Variants in PAH observed in about 807,000 individuals in gnomAD.
PAH encodes phenylalanine hydroxylase, also known as phenylalanine-4-hydroxylase.
A neutral mutation model predicts 62.0 loss-of-function variants in PAH; 64 were observed. The ratio of observed to expected loss-of-function variants is 1.03; its 90% CI spans 0.84 to 1.27. The LOEUF is 1.27. Ranked by LOEUF, PAH falls within the 50% of genes most tolerant of loss-of-function variation. The pLI is 0.00. For synonymous variants in PAH, 195 were observed against 196.2 expected (o/e 0.99, Z 0.05); for missense variants, 579 against 542.8 (o/e 1.07, Z -0.66).
At chr12:102,912,973 A>G in intron 1 of PAH, 75 bp from the exon 2 acceptor site, 1 of 944,488 alleles carries the variant, frequency 1.1e-6, no homozygotes, top group Non-Finnish European at 1.7e-6. Flanking sequence ...CTCCATGGAC[A>G]AAGCAAGCAT....
chr12:102,940,531 A>T (rs1589517), intron 1 of PAH, among the ~76,000 whole-genome samples: 1 of 152,330 alleles, frequency 6.6e-6, no homozygotes, highest in South Asian at 2.1e-4. Flanking sequence ...ATTTCATAAC[A>T]CAATATTAAC....
chr12:102,875,840 C>T (rs77526280), intron 4 of PAH, among the ~76,000 whole-genome samples: 2,954 of 152,044 alleles, frequency 0.019, 100 homozygotes, highest in African/African-American at 0.067. Flanking sequence ...ACTTCCTACA[C>T]GTTTGCAATT....
chr12:102,922,470 G>A (rs1421749828), intron 1 of PAH, among the ~76,000 whole-genome samples: 3 of 152,130 alleles, frequency 2.0e-5, no homozygotes, highest in Non-Finnish European at 2.9e-5. Flanking sequence ...GGGATTACAG[G>A]CGTGAGTCAC....
intron 1 of PAH, among the ~76,000 whole-genome samples, chr12:102,936,841 A>G (rs577241658): frequency 2.0e-4 from 31 of 151,970 alleles, no homozygotes; most frequent in Non-Finnish European, 3.8e-4. Flanking sequence ...TAGACAGCCT[A>G]TGTCTTTTGA....
intron 2 of PAH, among the ~76,000 whole-genome samples, chr12:102,906,014 C>G (rs1877961720): frequency 6.6e-6 from 1 of 151,634 alleles, no homozygotes; most frequent in South Asian, 2.1e-4. Flanking sequence ...TATAAAATGT[C>G]AAAAAATCGG....
chr12:102,863,731 G>A (rs1219711268), intron 5 of PAH, among the ~76,000 whole-genome samples: 1 of 152,156 alleles, frequency 6.6e-6, no homozygotes, highest in Non-Finnish European at 1.5e-5. Context: ...ATGAGATGCT[G>A]AATCCTGGAC....
At chr12:102,923,916 C>T (rs769968056) in intron 1 of PAH, among the ~76,000 whole-genome samples, 17 of 152,178 alleles carry the variant, frequency 1.1e-4, no homozygotes, top group Non-Finnish European at 2.9e-5. Flanking sequence ...ATGGTGGAGT[C>T]CAGCTTCTTC....
chr12:102,856,700 G>A (rs562463111), intron 5 of PAH, among the ~76,000 whole-genome samples: 207 of 152,300 alleles, frequency 1.4e-3, no homozygotes, highest in Non-Finnish European at 2.6e-3. Flanking sequence ...TGCAGCCTCC[G>A]CTGCTGACAC....
At position 102,912,811 on chromosome 12, in the gene PAH, T is replaced by C. The variant is rs776829633; in HGVS notation, c.148A>G (p.Lys50Glu). ...CTGACCTCAAATAAGCGCAATACTT[T>C]GGCCAATGCACCAACTTCTTCTTTG... ...SLKEEVGALAKVLRLFEENDV... is the reference protein window; with the variant it reads ...SLKEEVGALAEVLRLFEENDV... Residue 50 changes from lysine to glutamate, a missense_variant, in exon 2 of 13, where the codon AAA becomes GAA. By Grantham distance (56) the Lys-to-Glu change is moderately conservative. Coordinates refer to ENST00000553106, the MANE Select transcript of PAH (RefSeq NM_000277.3). The C allele has an allele frequency of 6.2e-7, 1 of 1,612,722 alleles. No individual in the cohort carries two copies. The highest frequency in any genetic ancestry group is 8.5e-7 in the Non-Finnish European group (1 of 1,178,746).
intron 8 of PAH, among the ~76,000 whole-genome samples, chr12:102,849,101 A>G (rs1875030900): frequency 6.6e-6 from 1 of 152,200 alleles, no homozygotes; most frequent in Non-Finnish European, 1.5e-5. Context: ...AGTGGCTGAG[A>G]CCAAGTTGGT....
intron 4 of PAH, among the ~76,000 whole-genome samples, chr12:102,876,546 G>T (rs1476812364): frequency 6.6e-6 from 1 of 152,252 alleles, no homozygotes; most frequent in Admixed American, 6.5e-5. Context: ...TCCTGTGGAA[G>T]TGTAAATGCT....
In PAH at chr12:102,894,609, C is replaced by T. The variant is rs748990078; in HGVS notation, c.352+126G>A. 1.3e-4 allele frequency: 97 copies of T among 775,086 alleles called. 1 individual carries two copies. The highest frequency in any genetic ancestry group is 9.9e-4 in the East Asian group (36 of 36,308). 48.0% of individuals were successfully genotyped at this position (775,086 alleles called of 1,614,324 possible). A position where few individuals can be genotyped will look rare whatever the true frequency, so the allele number is the denominator to read the frequency against. ...AATACATATATATTAATTTTGCTTC[C>T]GCAAAATAACAGCAATATATATTAA... On this transcript the variant is annotated intron_variant, in intron 3 of 12. Coordinates refer to ENST00000553106, the MANE Select transcript of PAH (RefSeq NM_000277.3).
chr12:102,887,230 A>C (rs1032567460), intron 3 of PAH, among the ~76,000 whole-genome samples: 1 of 152,078 alleles, frequency 6.6e-6, no homozygotes, highest in Non-Finnish European at 1.5e-5. Context: ...TGGTGGAAGT[A>C]GGGAAGGAAC....
intron 1 of PAH, among the ~76,000 whole-genome samples, chr12:102,916,210 C>T (rs1032414226): frequency 2.6e-5 from 4 of 152,038 alleles, no homozygotes; most frequent in African/African-American, 9.7e-5. Context: ...GTTATATTAA[C>T]GTTAACATTA....
intron 1 of PAH, among the ~76,000 whole-genome samples, chr12:102,931,175 A>G (rs941279451): frequency 1.3e-5 from 2 of 152,154 alleles, no homozygotes; most frequent in Non-Finnish European, 2.9e-5. Flanking sequence ...CTAAAGACAT[A>G]TTCATTTTTC....
At chr12:102,876,825 A>G (rs1279131868) in intron 4 of PAH, among the ~76,000 whole-genome samples, 3 of 152,002 alleles carry the variant, frequency 2.0e-5, no homozygotes, top group Admixed American at 1.3e-4. Flanking sequence ...CATGGCTGCA[A>G]GACACAGGCC....
At chr12:102,841,553 T>A (rs1473503080) in intron 11 of PAH, among the ~76,000 whole-genome samples, 1 of 152,182 alleles carries the variant, frequency 6.6e-6, no homozygotes, top group Non-Finnish European at 1.5e-5. Context: ...GGTACCTGCC[T>A]CAGGGGGTTG....
intron 3 of PAH, among the ~76,000 whole-genome samples, chr12:102,890,253 G>A (rs116405852): frequency 0.012 from 1,778 of 152,230 alleles, 45 homozygotes; most frequent in African/African-American, 0.041. Flanking sequence ...TGTCAGACTC[G>A]CCTCTGAGAT....
At position 102,843,964 on chromosome 12, in the gene PAH, A is replaced by G. The variant is rs542946164; in HGVS notation, c.1066-185T>C. On this transcript the variant is annotated intron_variant, in intron 10 of 12. Coordinates refer to ENST00000553106, the MANE Select transcript of PAH (RefSeq NM_000277.3). ...TTCTACCCTTCATAGCTCATCTAAAACCTACAGCCAAGGGAGAAAGGAGTA... is the reference window on the plus strand; with the variant it reads ...TTCTACCCTTCATAGCTCATCTAAAGCCTACAGCCAAGGGAGAAAGGAGTA... 1.2e-3 allele frequency among the ~76,000 whole-genome samples: 178 copies of G among 152,232 alleles called. 1 individual carries two copies. The highest frequency in any genetic ancestry group is 5.6e-3 in the South Asian group (27 of 4,816).
Sources: gnomAD v4.1 joint callset for allele counts (sites outside exome capture counted in the v4.1 genomes callset) on GRCh38, gnomAD v4.1.1 for gene constraint, MANE v1.5 for transcripts, NCBI Gene and HGNC (gene_info 2026-07-23, HGNC 2026-07-21) for gene names.